The following AGTPBP1 variants were observed in gnomAD, a reference collection of about 807,000 sequenced individuals.
AGTPBP1 encodes ATP/GTP binding carboxypeptidase 1.
In AGTPBP1, 70 loss-of-function variants were observed where a neutral mutation model predicts 143.9. The observed-to-expected ratio is 0.49, with a 90% CI of 0.40 to 0.59. The LOEUF (loss-of-function observed/expected upper bound fraction) is 0.59. AGTPBP1 is among the 20% of genes least tolerant of loss of function. The pLI is 0.00. For synonymous variants in AGTPBP1, 463 were observed against 500.2 expected, an observed-to-expected ratio of 0.93 and a Z score of 0.99; for missense variants, 1,229 against 1,464.5, an observed-to-expected ratio of 0.84 and a Z score of 2.62.
At chr9:85,632,576 C>T in intron 14 of AGTPBP1, 86 bp downstream of exon 14, 2 of 1,186,462 alleles carry the variant, frequency 1.7e-6, no homozygotes, top group South Asian at 1.6e-5. Context: ...TAATTATCTT[C>T]CTAAATGCCC....
chr9:85,730,125 TAA>T (rs1838783220), intron 1 of AGTPBP1, among the ~76,000 whole-genome samples: 1 of 152,206 alleles, frequency 6.6e-6, no homozygotes, highest in East Asian at 1.9e-4. Flanking sequence ...TTCCTAATCA[TAA>T]AAGAGGTAAC....
chr9:85,702,708 T>C (rs1053508401), intron 2 of AGTPBP1, among the ~76,000 whole-genome samples: 1 of 152,042 alleles, frequency 6.6e-6, no homozygotes, highest in Non-Finnish European at 1.5e-5. Context: ...ATGAGCTGAA[T>C]TTTCCTCGAT....
intron 17 of AGTPBP1, among the ~76,000 whole-genome samples, chr9:85,598,893 G>T (rs1829470196): frequency 6.6e-6 from 1 of 151,908 alleles, no homozygotes; most frequent in South Asian, 2.1e-4. Flanking sequence ...GCTAATTTTT[G>T]TATTTTTTGG....
At chr9:85,578,257 G>A (rs1828018624) in intron 24 of AGTPBP1, among the ~76,000 whole-genome samples, 2 of 152,132 alleles carry the variant, frequency 1.3e-5, no homozygotes, top group Admixed American at 6.5e-5. Flanking sequence ...AAAGCCTACA[G>A]TACCATGAAT....
chr9:85,744,368 C>A (rs749562174), upstream of AGTPBP1, among the ~76,000 whole-genome samples: 5 of 152,152 alleles, frequency 3.3e-5, no homozygotes, highest in Admixed American at 6.5e-5. Context: ...TGAAATTATT[C>A]TCTTAATTCT....
At chr9:85,713,733 C>A (rs765027647) in intron 1 of AGTPBP1, among the ~76,000 whole-genome samples, 1 of 152,086 alleles carries the variant, frequency 6.6e-6, no homozygotes, top group Non-Finnish European at 1.5e-5. Context: ...TTCAACACGA[C>A]ATACATAATT....
intron 25 of AGTPBP1, among the ~76,000 whole-genome samples, chr9:85,557,549 C>T (rs1464333207): frequency 6.6e-6 from 1 of 152,092 alleles, no homozygotes; most frequent in Non-Finnish European, 1.5e-5. Context: ...CCCAGAAATG[C>T]AAACCAGACT....
intron 2 of AGTPBP1, 71 bp downstream of exon 2, chr9:85,712,431 T>C (rs1392043956): frequency 4.0e-6 from 3 of 740,880 alleles, no homozygotes; most frequent in East Asian, 6.0e-5. Context: ...TTGTCAAGTA[T>C]TGAGTTTCAA....
chr9:85,621,523 A>G (rs1453690097), intron 14 of AGTPBP1, among the ~76,000 whole-genome samples: 1 of 136,276 alleles, frequency 7.3e-6, no homozygotes, highest in African/African-American at 3.4e-5. Context: ...CACAAGTCCA[A>G]TCATTTAAAA....
rs759298432 is a variant in AGTPBP1, at chr9:85,575,367, T to C, written c.3451A>G (p.Ser1151Gly). The change falls in exon 25 of 26, where the codon AGC (serine) becomes GGC (glycine). Residue 1151 changes from serine (S) to glycine (G), a missense_variant. By Grantham distance (56) the Ser-to-Gly change is moderately conservative. Coordinates refer to ENST00000357081, the MANE Select transcript of AGTPBP1 (RefSeq NM_001330701.2). ...AAATCATTTTCAAAGTCAAGCAGGC[T>C]GGAAGGCAGATTATACTCCAATGGA... ...TSPLEYNLPS[S>G]LLDFENDLIE... The C allele has an allele frequency of 5.0e-6, 8 of 1,606,092 alleles. No individual in the cohort carries two copies. The highest frequency in any genetic ancestry group is 5.1e-6 in the Non-Finnish European group (6 of 1,177,720).
chr9:85,653,595 C>A (rs1833307013), intron 11 of AGTPBP1, among the ~76,000 whole-genome samples: 1 of 152,122 alleles, frequency 6.6e-6, no homozygotes. Flanking sequence ...CCAGTGAGAA[C>A]CACCATTTAA....
At chr9:85,572,919 G>A (rs1827605300) in intron 25 of AGTPBP1, among the ~76,000 whole-genome samples, 1 of 152,094 alleles carries the variant, frequency 6.6e-6, no homozygotes, top group African/African-American at 2.4e-5. Flanking sequence ...ATACAACAGG[G>A]CAGAGCAATA....
chr9:85,739,595 C>G (rs988248715), intron 1 of AGTPBP1, among the ~76,000 whole-genome samples: 2 of 151,486 alleles, frequency 1.3e-5, no homozygotes, highest in Non-Finnish European at 2.9e-5. Flanking sequence ...GTAATCCCAG[C>G]TATTCGGGAG....
intron 17 of AGTPBP1, among the ~76,000 whole-genome samples, chr9:85,609,603 T>C: frequency 6.6e-6 from 1 of 152,106 alleles, no homozygotes; most frequent in Non-Finnish European, 1.5e-5. Context: ...TTAAACATCA[T>C]TCACTACTAA....
At chr9:85,768,561 T>G in the AGTPBP1 span, among the ~76,000 whole-genome samples, 5 of 152,222 alleles carry the variant, frequency 3.3e-5, no homozygotes, top group African/African-American at 4.8e-5. Flanking sequence ...ATTGGATAAT[T>G]CACTTTTATT....
Position 85,741,918 on chromosome 9 carries a change from G to GGCA in AGTPBP1, c.-180_-178dup, listed in dbSNP as rs1554747196. 8.4e-6 allele frequency: 11 copies of GGCA among 1,311,798 alleles called. No homozygotes were observed. The South Asian group carries it at 1.7e-4, about 20-fold the overall frequency. The allele number at this position is 1,311,798 out of a possible 1,614,324, so 81.3% of individuals were successfully genotyped here. Reference sequence around the variant, plus strand: ...CAGGCGAGGCGGAGGCGGCGGCGGCGGCAGCTGCGGCGGCGGCGCTGGAGG... The same window carrying GGCA: ...CAGGCGAGGCGGAGGCGGCGGCGGCGGCAGCAGCTGCGGCGGCGGCGCTGGAGG... On this transcript the variant is annotated 5_prime_UTR_variant, in exon 1 of 26. Transcript: ENST00000357081.
At chr9:85,582,833 C>CA (rs202034736) in intron 23 of AGTPBP1, among the ~76,000 whole-genome samples, 33 of 149,322 alleles carry the variant, frequency 2.2e-4, no homozygotes, top group African/African-American at 6.1e-4. Flanking sequence ...AAGCCATCTG[C>CA]AAAAAAAAAG....
At chr9:85,637,419 A>G (rs928849071) in intron 13 of AGTPBP1, among the ~76,000 whole-genome samples, 2 of 152,186 alleles carry the variant, frequency 1.3e-5, no homozygotes, top group African/African-American at 4.8e-5. Context: ...AACTTCAGAC[A>G]TTCCAACACG....
chr9:85,713,110 A>G (rs985871511), intron 1 of AGTPBP1, among the ~76,000 whole-genome samples: 4 of 152,226 alleles, frequency 2.6e-5, no homozygotes, highest in African/African-American at 9.6e-5. Flanking sequence ...CACAATTTTT[A>G]TAAATCTTCA....
Sources: allele counts gnomAD v4.1 joint callset (sites outside exome capture counted in the v4.1 genomes callset), GRCh38; gene constraint gnomAD v4.1.1; transcripts MANE v1.5; gene names NCBI Gene and HGNC (gene_info 2026-07-23, HGNC 2026-07-21).